The following GKAP1 variants were observed in gnomAD, a reference collection of about 807,000 sequenced individuals.
GKAP1 encodes G kinase-anchoring protein 1.
A neutral mutation model predicts 56.7 loss-of-function variants in GKAP1; 31 were observed. The observed-to-expected ratio is 0.55, with a 90% CI of 0.41 to 0.74. The LOEUF is 0.74. Among genes scored for constraint, GKAP1 ranks in the 30% least tolerant of loss-of-function variants. The pLI, the probability that GKAP1 is intolerant of heterozygous loss-of-function variation, is 0.00. For missense variants in GKAP1, 364 were observed against 402.3 expected (o/e 0.90, Z 0.82); for synonymous variants, 151 against 138.6 (o/e 1.09, Z -0.63).
chr9:83,802,951 T>C (rs1326945299), intron 3 of GKAP1, among the ~76,000 whole-genome samples: 1 of 151,356 alleles, frequency 6.6e-6, no homozygotes, highest in African/African-American at 2.4e-5. Flanking sequence ...CTACCAAAAA[T>C]ACAAAAAATT....
intron 7 of GKAP1, among the ~76,000 whole-genome samples, chr9:83,769,906 G>C (rs1218210698): frequency 6.6e-6 from 1 of 152,204 alleles, no homozygotes; most frequent in African/African-American, 2.4e-5. Flanking sequence ...TAGCCACCGG[G>C]TGTGAAGTGC....
intron 4 of GKAP1, chr9:83,792,894 A>C: frequency 4.3e-6 from 2 of 465,034 alleles, no homozygotes; most frequent in Non-Finnish European, 5.9e-6. Flanking sequence ...GAGGAAAGGA[A>C]GAAAAAGAGG....
At chr9:83,777,780 C>G (rs975390281) in intron 7 of GKAP1, among the ~76,000 whole-genome samples, 1 of 151,976 alleles carries the variant, frequency 6.6e-6, no homozygotes, top group Non-Finnish European at 1.5e-5. Flanking sequence ...CAGCATACGA[C>G]GTTAACAAAA....
At chr9:83,792,166 C>A (rs1203430561) in intron 4 of GKAP1, among the ~76,000 whole-genome samples, 1 of 152,094 alleles carries the variant, frequency 6.6e-6, no homozygotes, top group African/African-American at 2.4e-5. Flanking sequence ...ATCAACTGTA[C>A]AAGGTAGTTT....
chr9:83,768,836 T>A lies in GKAP1; in HGVS notation c.720A>T (p.Thr240=), dbSNP rs1369139325. 6.2e-7 allele frequency: 1 copy of A among 1,612,156 alleles called. No homozygotes were observed. The highest frequency in any genetic ancestry group is 1.7e-5 in the Admixed American group (1 of 59,852). ...LTEYNGTDNC[T]AHEHNQEVVL... ...TACATGCCTGGTTGTGTTCATGAGC[T>A]GTACAATTATCTGTTCCATTATATT... The change falls in exon 8 of 13, where the codon ACA becomes ACT. Residue 240 remains threonine, a synonymous_variant. Coordinates refer to ENST00000376371, the MANE Select transcript of GKAP1 (RefSeq NM_025211.4).
intron 3 of GKAP1, among the ~76,000 whole-genome samples, chr9:83,803,443 CGG>C (rs990215949): frequency 1.3e-5 from 2 of 152,198 alleles, no homozygotes; most frequent in Non-Finnish European, 2.9e-5. Flanking sequence ...TTGGTGGAGA[CGG>C]GGTTTCGCTG....
At chr9:83,816,804 A>G (rs1004910210) in intron 2 of GKAP1, among the ~76,000 whole-genome samples, 192 bp downstream of exon 2, 7 of 152,338 alleles carry the variant, frequency 4.6e-5, no homozygotes, top group African/African-American at 1.7e-4. Flanking sequence ...GAGGAGGAAG[A>G]GAAAAGGCAA....
intron 4 of GKAP1, among the ~76,000 whole-genome samples, chr9:83,797,679 TCCTTTTCATCATTA>T (rs71365326): frequency 0.091 from 13,815 of 152,248 alleles, 847 homozygotes; most frequent in Non-Finnish European, 0.14. Flanking sequence ...TCACACTATT[TCCTTTTCATCATTA>T]CCTGCTCATT....
Position 83,803,938 on chromosome 9 carries a change from G to A in GKAP1, c.216+2364C>T, listed in dbSNP as rs531408467. ...TGGGATGTGAGGAGCGCCTCTGCCC[G>A]GCCGCGACCCCGTCTGGGAGGTGAG... is the stretch of plus-strand genomic sequence containing the variant. On this transcript the variant is annotated intron_variant, in intron 3 of 12. Transcript: ENST00000376371. 1.8e-3 allele frequency among the ~76,000 whole-genome samples: 277 copies of A among 149,736 alleles called. 1 individual carries two copies. The highest frequency in any genetic ancestry group is 6.3e-3 in the African/African-American group (255 of 40,566).
chr9:83,782,343 T>A (rs1467800934), intron 6 of GKAP1, among the ~76,000 whole-genome samples: 1 of 151,714 alleles, frequency 6.6e-6, no homozygotes, highest in Non-Finnish European at 1.5e-5. Flanking sequence ...AAATCTTTTT[T>A]ACTAATCTTG....
intron 6 of GKAP1, 64 bp from the exon 7 acceptor site, chr9:83,780,468 A>AG: frequency 1.3e-6 from 1 of 765,426 alleles, no homozygotes; most frequent in Non-Finnish European, 2.1e-6. Flanking sequence ...AAAAATGTAA[A>AG]AAAAAAAAAA....
chr9:83,805,031 G>A (rs1944415058), intron 3 of GKAP1, among the ~76,000 whole-genome samples: 1 of 152,242 alleles, frequency 6.6e-6, no homozygotes, highest in Non-Finnish European at 1.5e-5. Flanking sequence ...TAGAAGGGGG[G>A]GAAAGGTGGG....
rs1944295374 is a variant in GKAP1 at position 83,799,326 on chromosome 9, G to A, written c.219C>T (p.Leu73=). The change falls in exon 4 of 13, where the codon CTC becomes CTT. Residue 73 remains leucine (L), a splice_region_variant and synonymous_variant. Transcript: ENST00000376371. The part of the protein sequence containing the change: ...KEQQQSEANE[L]RNLAFKKIPQ... ...GAATTTTCTTAAAAGCAAGATTCCT[G>A]AGCTATAAAACAAACAAAAAATATA... 6.3e-7 allele frequency: 1 copy of A among 1,585,732 alleles called. No homozygotes were observed. The highest frequency in any genetic ancestry group is 1.2e-5 in the South Asian group (1 of 85,814).
At chr9:83,787,466 G>A (rs1000817073) in intron 5 of GKAP1, among the ~76,000 whole-genome samples, 4 of 152,194 alleles carry the variant, frequency 2.6e-5, no homozygotes, top group Admixed American at 2.6e-4. Flanking sequence ...TCAAACTCCT[G>A]GCCTCAAGCA....
chr9:83,798,148 G>C (rs568766298), intron 4 of GKAP1, among the ~76,000 whole-genome samples: 1 of 152,144 alleles, frequency 6.6e-6, no homozygotes, highest in African/African-American at 2.4e-5. Flanking sequence ...GAATAACTCA[G>C]TATAGTCTAT....
At chr9:83,756,819 A>G (rs968697420) in intron 8 of GKAP1, among the ~76,000 whole-genome samples, 1 of 152,192 alleles carries the variant, frequency 6.6e-6, no homozygotes, top group Non-Finnish European at 1.5e-5. Context: ...TATTTTTGCC[A>G]TTATCATTTC....
chr9:83,758,686 T>A (rs1454165552), intron 8 of GKAP1, among the ~76,000 whole-genome samples: 2 of 151,940 alleles, frequency 1.3e-5, no homozygotes, highest in Admixed American at 6.6e-5. Flanking sequence ...GAGGTGAAGG[T>A]TGTAGTGAGC....
intron 7 of GKAP1, among the ~76,000 whole-genome samples, chr9:83,777,328 G>A (rs1458340595): frequency 1.3e-5 from 2 of 152,134 alleles, no homozygotes. Context: ...AGAGAGAAAT[G>A]AGTATCTATG....
At chr9:83,776,996 T>C (rs1253762172) in intron 7 of GKAP1, among the ~76,000 whole-genome samples, 2 of 152,238 alleles carry the variant, frequency 1.3e-5, no homozygotes, top group Non-Finnish European at 2.9e-5. Context: ...GTTTGTTCCC[T>C]GGTTCCTTTC....
Sources: allele counts gnomAD v4.1 joint callset (sites outside exome capture counted in the v4.1 genomes callset), GRCh38; gene constraint gnomAD v4.1.1; transcripts MANE v1.5; gene names NCBI Gene and HGNC (gene_info 2026-07-23, HGNC 2026-07-21).